The following FABP2 variants were observed in gnomAD, a reference collection of about 807,000 sequenced individuals.
FABP2 encodes the protein fatty acid-binding protein, intestinal.
Under a neutral mutation model 16.1 loss-of-function variants are expected in FABP2, and 11 were observed. The ratio of observed to expected loss-of-function variants is 0.68; its 90% CI spans 0.43 to 1.13. FABP2 has a LOEUF of 1.13. Among genes scored for constraint, FABP2 ranks in the 50% most tolerant of loss-of-function variants. The probability of loss-of-function intolerance (pLI) is 0.00; values close to 1 mark genes in which losing one functional copy is unlikely to be tolerated. For missense variants in FABP2, 146 were observed against 155.1 expected (o/e 0.94, Z 0.31); for synonymous variants, 45 against 50.9 (o/e 0.88, Z 0.49).
chr4:119,317,762 A>G lies in FABP2; in HGVS notation c.*1279T>C, dbSNP rs1755603206. 3.9e-5 allele frequency: 6 copies of G among 152,072 alleles called. No individual in the cohort carries two copies. In the South Asian group the frequency reaches 1.2e-3, roughly 31 times the overall value. The allele number at this position is 152,072 out of a possible 1,614,324, so 9.4% of individuals were successfully genotyped here. A position where few individuals can be genotyped will look rare whatever the true frequency, so the allele number is the denominator to read the frequency against. On this transcript the variant is annotated 3_prime_UTR_variant, in exon 4 of 4. Transcript: ENST00000274024. ...CCCCTAATATGTACCCTGCTAAAAT[A>G]CAATTATGTGAAGCACATAAAATTT...
In FABP2 at chr4:119,320,829, C is replaced by A. The variant is rs1434514431; in HGVS notation, c.81G>T (p.Val27=). The A allele has an allele frequency of 3.8e-6, 6 of 1,591,924 alleles. No individual in the cohort carries two copies. The highest frequency in any genetic ancestry group is 4.3e-6 in the Non-Finnish European group (5 of 1,172,900). The part of the protein sequence containing the change: ...KFMEKMGVNI[V]KRKLAAHDNL... ...TGTCATGAGCTGCAAGCTTCCTTTTCACTATATTAACACCTGTAAAAGGTA... is the reference window on the plus strand; with the variant it reads ...TGTCATGAGCTGCAAGCTTCCTTTTAACTATATTAACACCTGTAAAAGGTA... Residue 27 remains valine, a synonymous_variant, in exon 2 of 4, where the codon GTG becomes GTT. Coordinates refer to ENST00000274024, the MANE Select transcript of FABP2 (RefSeq NM_000134.4).
Position 119,320,773 on chromosome 4 carries a change from T to A in FABP2, c.137A>T (p.Asn46Ile), listed in dbSNP as rs568286150. The change falls in exon 2 of 4, where the codon AAT (asparagine) becomes ATT (isoleucine). Residue 46 changes from asparagine (N) to isoleucine (I), a missense_variant. Coordinates refer to ENST00000274024, the MANE Select transcript of FABP2 (RefSeq NM_000134.4). ...NLKLTITQEG[N>I]KFTVKESSTF... ...GCTTGATTCTTTGACTGTGAATTTA[T>A]TTCCTTCTTGTGTAATTGTCAGCTT... is the stretch of plus-strand genomic sequence containing the variant. The A allele has an allele frequency of 1.5e-5, 24 of 1,606,768 alleles. No homozygotes were observed. The East Asian group carries it at 3.1e-4, about 21-fold the overall frequency.
intron 1 of FABP2, among the ~76,000 whole-genome samples, chr4:119,321,612 T>C (rs1237103816): frequency 7.2e-5 from 11 of 152,138 alleles, no homozygotes; most frequent in Non-Finnish European, 1.3e-4. Context: ...ATCTAACTTA[T>C]TCAGCGCTAT....
rs1799883 is a variant in FABP2, at chr4:119,320,747, T to C, written c.163A>G (p.Thr55Ala). ...GNKFTVKESSTFRNIEVVFEL... is the reference protein window; with the variant it reads ...GNKFTVKESSAFRNIEVVFEL... Reference sequence around the variant, plus strand: ...AAAACAACTTCAATGTTTCGAAAAGTGCTTGATTCTTTGACTGTGAATTTA... The same window carrying C: ...AAAACAACTTCAATGTTTCGAAAAGCGCTTGATTCTTTGACTGTGAATTTA... The change falls in exon 2 of 4, where the codon ACT becomes GCT. Residue 55 changes from threonine (T) to alanine (A), a missense_variant. Transcript: ENST00000274024. 0.73 allele frequency: 1,177,841 copies of C among 1,604,502 alleles called. 433,114 individuals carry two copies. Among genetic ancestry groups the C allele is most frequent in the African/African-American group, 0.77 (57,072 of 74,300 alleles).
chr4:119,320,671 C>A lies in FABP2; in HGVS notation c.239G>T (p.Arg80Met). The A allele has an allele frequency of 6.4e-7, 1 of 1,560,496 alleles. No homozygotes were observed. ...NYNLADGTEL[R>M]GTWSLEGNKL... ...GCTCATAAAAAAAAAAATTCTTACC[C>A]TGAGTTCAGTTCCGTCTGCTAGATT... is the stretch of plus-strand genomic sequence containing the variant. The change falls in exon 2 of 4, where the codon AGG (arginine) becomes ATG (methionine). Residue 80 changes from arginine (R) to methionine (M), a missense_variant and splice_region_variant. By Grantham distance (91) the Arg-to-Met change is moderately conservative. Transcript: ENST00000274024.
chr4:119,319,065 G>T lies in FABP2; in HGVS notation c.375C>A (p.Ala125=). 6.2e-7 allele frequency: 1 copy of T among 1,601,566 alleles called. No homozygotes were observed. The highest frequency in any genetic ancestry group is 8.5e-7 in the Non-Finnish European group (1 of 1,174,888). The part of the protein sequence containing the change: ...VQTYVYEGVE[A]KRIFKKD The stretch of plus-strand genomic sequence containing the variant: ...CTCAATCCTTTTTAAAGATCCTTTT[G>T]GCTTCTACTCCTTCATATACATAAG... The change falls in exon 4 of 4, where the codon GCC becomes GCA. Residue 125 remains alanine, a synonymous_variant. Coordinates refer to ENST00000274024, the MANE Select transcript of FABP2 (RefSeq NM_000134.4).
Position 119,317,595 on chromosome 4 carries a change from A to G in FABP2, c.*1446T>C, listed in dbSNP as rs1470514312. The G allele has an allele frequency of 1.3e-5, 2 of 152,096 alleles. No homozygotes were observed. The highest frequency in any genetic ancestry group is 1.3e-4 in the Admixed American group (2 of 15,252). 9.4% of individuals were successfully genotyped at this position (152,096 alleles called of 1,614,324 possible). On this transcript the variant is annotated 3_prime_UTR_variant, in exon 4 of 4. Coordinates refer to ENST00000274024, the MANE Select transcript of FABP2 (RefSeq NM_000134.4). Reference sequence around the variant, plus strand: ...ACATTTTAATATATATGTCATATGTATATACCACTTAGAACAGTGTGTGGC... The same window carrying G: ...ACATTTTAATATATATGTCATATGTGTATACCACTTAGAACAGTGTGTGGC...
rs145547071 is a variant in FABP2 at position 119,320,819 on chromosome 4, G to T, written c.91C>A (p.Leu31Ile). The T allele has an allele frequency of 6.3e-6, 10 of 1,595,396 alleles. No individual in the cohort carries two copies. In the African/African-American group the frequency reaches 1.4e-4, roughly 22 times the overall value. ...KMGVNIVKRK[L>I]AAHDNLKLTI... ...AGCTTCAAATTGTCATGAGCTGCAA[G>T]CTTCCTTTTCACTATATTAACACCT... Residue 31 changes from leucine to isoleucine, a missense_variant, in exon 2 of 4, where the codon CTT becomes ATT. Transcript: ENST00000274024.
chr4:119,321,099 T>C (rs537284782), intron 1 of FABP2, among the ~76,000 whole-genome samples: 1 of 152,230 alleles, frequency 6.6e-6, no homozygotes, highest in South Asian at 2.1e-4. Context: ...CTGAGCAACC[T>C]TAATAAGATT....
In FABP2 at chr4:119,320,812, G is replaced by A. The variant is rs746169455; in HGVS notation, c.98C>T (p.Ala33Val). 5.0e-6 allele frequency: 8 copies of A among 1,597,042 alleles called. No homozygotes were observed. Among genetic ancestry groups the A allele is most frequent in the Admixed American group, 3.6e-5 (2 of 55,816 alleles). The part of the protein sequence containing the change: ...GVNIVKRKLA[A>V]HDNLKLTITQ... ...AATTGTCAGCTTCAAATTGTCATGA[G>A]CTGCAAGCTTCCTTTTCACTATATT... Residue 33 changes from alanine to valine, a missense_variant, in exon 2 of 4, where the codon GCT becomes GTT. Physicochemically the swap from Ala to Val is moderately conservative, Grantham distance 64 (BLOSUM62 0). Transcript: ENST00000274024.
At position 119,319,555 on chromosome 4, in the gene FABP2, A is replaced by G. The variant is rs760793495; in HGVS notation, c.329T>C (p.Ile110Thr). 14 of 1,565,660 alleles carry G rather than the reference A, an allele frequency of 8.9e-6. No homozygotes were observed. The Admixed American group carries it at 1.1e-4, about 12-fold the overall frequency. ...GNELNTVREIIGDELVQTYVY... is the reference protein window; with the variant it reads ...GNELNTVREITGDELVQTYVY... ...ACTCACCTGGACTAGTTCATCACCT[A>G]TAATTTCTCGGACAGTATTCAGTTC... Residue 110 changes from isoleucine to threonine, a missense_variant, in exon 3 of 4, where the codon ATA (isoleucine) becomes ACA (threonine). Physicochemically the swap from Ile to Thr is moderately conservative, Grantham distance 89. Transcript: ENST00000274024.
In FABP2 at chr4:119,317,289, G is replaced by A. The variant is rs536894345; in HGVS notation, c.*1752C>T. ...TTTTATATAAATTTAAGGAGTACAA[G>A]TATAGTTTTGTTACATTGATATATT... is the stretch of plus-strand genomic sequence containing the variant. On this transcript the variant is annotated 3_prime_UTR_variant, in exon 4 of 4. Transcript: ENST00000274024. 1 of 152,150 alleles carries A rather than the reference G, an allele frequency of 6.6e-6. No individual in the cohort carries two copies. The highest frequency in any genetic ancestry group is 1.5e-5 in the Non-Finnish European group (1 of 67,964). The allele number at this position is 152,150 out of a possible 1,614,324, so 9.4% of individuals were successfully genotyped here. A position where few individuals can be genotyped will look rare whatever the true frequency, so the allele number is the denominator to read the frequency against.
intron 2 of FABP2, among the ~76,000 whole-genome samples, chr4:119,320,427 A>G (rs974374374): frequency 1.3e-5 from 2 of 152,090 alleles, no homozygotes; most frequent in Admixed American, 6.6e-5. Flanking sequence ...CAGTCATTCA[A>G]AAGATAGTTT....
chr4:119,319,677 A>AATC (rs763059318), intron 2 of FABP2, 34 bp from the exon 3 acceptor site: 1 of 992,428 alleles, frequency 1.0e-6, no homozygotes, highest in Admixed American at 4.0e-5. Context: ...TAATAATAAT[A>AATC]ATGGCATTTA....
intron 3 of FABP2, 102 bp downstream of exon 3, chr4:119,319,434 A>G: frequency 4.7e-6 from 3 of 633,284 alleles, no homozygotes; most frequent in Non-Finnish European, 5.5e-6. Flanking sequence ...TTATGAGAAA[A>G]GAAGTAGTCA....
At chr4:119,320,319 TTGCTATTA>T (rs1755645771) in intron 2 of FABP2, among the ~76,000 whole-genome samples, 1 of 66,990 alleles carries the variant, frequency 1.5e-5, no homozygotes, top group African/African-American at 6.4e-5. Flanking sequence ...ACATGTTAAA[TTGCTATTA>T]CAGTTAAGTT....
At position 119,317,962 on chromosome 4, in the gene FABP2, A is replaced by G. The variant is rs1452970753; in HGVS notation, c.*1079T>C. 6.6e-6 allele frequency: 1 copy of G among 152,110 alleles called. No homozygotes were observed. Among genetic ancestry groups the G allele is most frequent in the Non-Finnish European group, 1.5e-5 (1 of 67,988 alleles). The allele number at this position is 152,110 out of a possible 1,614,324, so 9.4% of individuals were successfully genotyped here. ...GACAAGTTAGTGGACAGGCTGCATCAGAATCACCAGGAAATTTTCTAGAAT... is the reference window on the plus strand; with the variant it reads ...GACAAGTTAGTGGACAGGCTGCATCGGAATCACCAGGAAATTTTCTAGAAT... On this transcript the variant is annotated 3_prime_UTR_variant, in exon 4 of 4. Transcript: ENST00000274024.
chr4:119,319,436 A>G, intron 3 of FABP2, 100 bp downstream of exon 3: 1 of 648,102 alleles, frequency 1.5e-6, no homozygotes, highest in Non-Finnish European at 2.7e-6. Flanking sequence ...ATGAGAAAAG[A>G]AGTAGTCAGT....
At chr4:119,319,922 C>T (rs1160576505) in intron 2 of FABP2, among the ~76,000 whole-genome samples, 5 of 151,914 alleles carry the variant, frequency 3.3e-5, no homozygotes, top group Admixed American at 6.6e-5. Context: ...AATTTCCATA[C>T]GCTGAATTTT....
Sources: gnomAD v4.1 joint callset for allele counts (sites outside exome capture counted in the v4.1 genomes callset) on GRCh38, gnomAD v4.1.1 for gene constraint, MANE v1.5 for transcripts, NCBI Gene and HGNC (gene_info 2026-07-23, HGNC 2026-07-21) for gene names.